GRIK2: variants seen among roughly 807,000 people sequenced by gnomAD.
The protein encoded by GRIK2 is glutamate ionotropic receptor kainate type subunit 2.
Under a neutral mutation model 100.3 loss-of-function variants are expected in GRIK2, and 32 were observed. That is an observed-to-expected ratio of 0.32 (90% CI 0.24 to 0.43). The LOEUF (loss-of-function observed/expected upper bound fraction) is 0.43, where lower values mean the gene tolerates loss of function less well. Among genes scored for constraint, GRIK2 ranks in the 20% least tolerant of loss-of-function variants. The pLI, the probability that GRIK2 is intolerant of heterozygous loss-of-function variation, is 1.00. For synonymous variants in GRIK2, 417 were observed against 389.4 expected, an observed-to-expected ratio of 1.07 and a Z score of -0.83; for missense variants, 843 against 1,114.9, an observed-to-expected ratio of 0.76 and a Z score of 3.47.
In GRIK2 at chr6:101,468,344, A is replaced by T. The variant is rs75073500; in HGVS notation, c.115+68952A>T. Among the ~76,000 whole-genome samples, 109 of 152,314 alleles carry T rather than the reference A, an allele frequency of 7.2e-4. No homozygotes were observed. In the East Asian group the frequency reaches 0.012, roughly 17 times the overall value. On this transcript the variant is annotated intron_variant, in intron 2 of 16. Transcript: ENST00000369134. ...TTTCACTAATGCTTATCTTCACATG[A>T]AAACATTCAGTTTTTTAAAGAGTTT... is the stretch of plus-strand genomic sequence containing the variant.
At chr6:101,827,797 A>G (rs1281207824) in intron 10 of GRIK2, among the ~76,000 whole-genome samples, 1 of 151,958 alleles carries the variant, frequency 6.6e-6, no homozygotes, top group Admixed American at 6.6e-5. Context: ...TTACTTCTAG[A>G]CCCAAGAAAA....
chr6:101,572,752 CTTTTTT>C (rs200522647), intron 2 of GRIK2, among the ~76,000 whole-genome samples: 1 of 79,302 alleles, frequency 1.3e-5, no homozygotes, highest in Admixed American at 1.2e-4. Flanking sequence ...GCCTCAGTTT[CTTTTTT>C]TTTTTTTTTT....
chr6:101,737,270 A>G (rs920927301), intron 7 of GRIK2, among the ~76,000 whole-genome samples: 5 of 152,090 alleles, frequency 3.3e-5, no homozygotes, highest in Admixed American at 3.3e-4. Context: ...GTATTTTTTC[A>G]GCAGCACCCC....
At chr6:101,577,242 C>A (rs1432603829) in intron 2 of GRIK2, among the ~76,000 whole-genome samples, 1 of 151,304 alleles carries the variant, frequency 6.6e-6, no homozygotes, top group Non-Finnish European at 1.5e-5. Context: ...AATTACTTGA[C>A]CCTTTTTGCA....
intron 2 of GRIK2, among the ~76,000 whole-genome samples, chr6:101,619,363 A>G (rs1432417784): frequency 6.6e-6 from 1 of 151,878 alleles, no homozygotes; most frequent in African/African-American, 2.4e-5. Flanking sequence ...TATCCTAAGG[A>G]AATAAAAAGA....
chr6:101,760,658 T>TTAATTATATA lies in GRIK2; in HGVS notation c.952-38978_952-38969dup, dbSNP rs1562364668. 1.9e-5 allele frequency among the ~76,000 whole-genome samples: 2 copies of TTAATTATATA among 102,978 alleles called. 1 individual carries two copies. The highest frequency in any genetic ancestry group is 5.0e-4 in the South Asian group (2 of 4,002). The allele number at this position is 102,978 out of a possible 152,430, so 67.6% of individuals were successfully genotyped here. A position where few individuals can be genotyped will look rare whatever the true frequency, so the allele number is the denominator to read the frequency against. Reference sequence around the variant, plus strand: ...TATATAATTATATATAATTATATGTTTAATTATATATAATTATATATTTAA... The same window carrying TTAATTATATA: ...TATATAATTATATATAATTATATGTTTAATTATATATAATTATATATAATTATATATTTAA... On this transcript the variant is annotated intron_variant, in intron 7 of 16. Coordinates refer to ENST00000369134, the MANE Select transcript of GRIK2 (RefSeq NM_021956.5).
At chr6:101,776,607 A>T (rs1778762980) in intron 7 of GRIK2, among the ~76,000 whole-genome samples, 1 of 152,196 alleles carries the variant, frequency 6.6e-6, no homozygotes, top group African/African-American at 2.4e-5. Flanking sequence ...TACATGCTGT[A>T]GTGAAATTAT....
chr6:101,595,951 T>TA (rs1778907814), intron 2 of GRIK2, among the ~76,000 whole-genome samples: 1 of 129,816 alleles, frequency 7.7e-6, no homozygotes. Context: ...TATAATTCAT[T>TA]AAAATTTTTT....
intron 7 of GRIK2, 124 bp from the exon 8 acceptor site, chr6:101,799,524 C>T: frequency 2.8e-6 from 2 of 721,520 alleles, no homozygotes; most frequent in Non-Finnish European, 2.4e-6. Context: ...ACGTTTTCTT[C>T]TTTATACAAA....
chr6:101,601,046 G>A (rs1310264121), intron 2 of GRIK2, among the ~76,000 whole-genome samples: 1 of 151,342 alleles, frequency 6.6e-6, no homozygotes, highest in Admixed American at 6.6e-5. Flanking sequence ...CATTTGGTAT[G>A]ATGTTGGCTG....
intron 10 of GRIK2, among the ~76,000 whole-genome samples, chr6:101,836,010 A>G (rs1783064617): frequency 6.6e-6 from 1 of 150,592 alleles, no homozygotes; most frequent in South Asian, 2.1e-4. Context: ...GTTGCTGAGT[A>G]CAAATTTAAG....
chr6:101,802,651 C>A (rs1780747839), intron 9 of GRIK2, among the ~76,000 whole-genome samples: 1 of 151,652 alleles, frequency 6.6e-6, no homozygotes, highest in Admixed American at 6.6e-5. Context: ...TATTTTCTAA[C>A]TAGAGATTTT....
chr6:101,449,568 T>C (rs1215708143), intron 2 of GRIK2, among the ~76,000 whole-genome samples: 4 of 151,706 alleles, frequency 2.6e-5, no homozygotes, highest in Non-Finnish European at 5.9e-5. Flanking sequence ...TGCTTAGGTT[T>C]GATGAAGAAG....
At chr6:102,058,052 G>A (rs1055491915) in intron 16 of GRIK2, among the ~76,000 whole-genome samples, 1 of 151,692 alleles carries the variant, frequency 6.6e-6, no homozygotes, top group African/African-American at 2.4e-5. Context: ...GTTTATTTCA[G>A]GTACTGTCAT....
chr6:101,930,786 C>CT (rs1462094131), intron 14 of GRIK2, among the ~76,000 whole-genome samples: 1 of 151,822 alleles, frequency 6.6e-6, no homozygotes, highest in Non-Finnish European at 1.5e-5. Flanking sequence ...TTTTTGCCTA[C>CT]TTTCACTTTT....
intron 2 of GRIK2, among the ~76,000 whole-genome samples, chr6:101,411,899 C>T (rs1333293260): frequency 1.3e-5 from 2 of 152,026 alleles, no homozygotes; most frequent in Non-Finnish European, 2.9e-5. Flanking sequence ...CTCAATCTCC[C>T]ACACTAAAGG....
In GRIK2 at chr6:102,069,328, T is replaced by TAAC. The variant is rs1419986682; in HGVS notation, c.*819_*820insCAA. On this transcript the variant is annotated 3_prime_UTR_variant, in exon 17 of 17. Coordinates refer to ENST00000369134, the MANE Select transcript of GRIK2 (RefSeq NM_021956.5). ...ATAATAATAATAATAATAATAATAA[T>TAAC]AATAATAATAAAAGCAGTTGGTTCA... 92 of 147,668 alleles carry TAAC rather than the reference T, an allele frequency of 6.2e-4. 1 individual carries two copies. In the East Asian group the frequency reaches 0.011, roughly 18 times the overall value. 9.1% of individuals were successfully genotyped at this position (147,668 alleles called of 1,614,324 possible). A position where few individuals can be genotyped will look rare whatever the true frequency, so the allele number is the denominator to read the frequency against.
chr6:101,476,899 C>T (rs940033948), intron 2 of GRIK2, among the ~76,000 whole-genome samples: 2 of 152,022 alleles, frequency 1.3e-5, no homozygotes, highest in Non-Finnish European at 2.9e-5. Context: ...GCATCCAAGG[C>T]GCAGTAGCAT....
chr6:101,621,461 A>T (rs1483326199), intron 2 of GRIK2, among the ~76,000 whole-genome samples: 2 of 152,102 alleles, frequency 1.3e-5, no homozygotes, highest in East Asian at 3.9e-4. Context: ...AAAAAGAAAA[A>T]AAATTGTTTA....
Sources: gnomAD v4.1 joint callset for allele counts (sites outside exome capture counted in the v4.1 genomes callset) on GRCh38, gnomAD v4.1.1 for gene constraint, MANE v1.5 for transcripts, NCBI Gene and HGNC (gene_info 2026-07-23, HGNC 2026-07-21) for gene names.